The following CNBD1 variants were observed in gnomAD, a reference collection of about 807,000 sequenced individuals.
CNBD1 encodes cyclic nucleotide-binding domain-containing protein 1.
Under a neutral mutation model 54.4 loss-of-function variants are expected in CNBD1, and 71 were observed. That is an observed-to-expected ratio of 1.30 (90% CI 1.08 to 1.59). CNBD1 has a LOEUF of 1.59. Ranked by LOEUF, CNBD1 falls within the 40% of genes most tolerant of loss-of-function variation. The pLI, the probability that CNBD1 is intolerant of heterozygous loss-of-function variation, is 0.00. For synonymous variants in CNBD1, 182 were observed against 170.7 expected (o/e 1.07, Z -0.51); for missense variants, 659 against 518.0 (o/e 1.27, Z -2.64).
chr8:87,422,928 T>C (rs1457343535), intron 2 of CNBD1, among the ~76,000 whole-genome samples: 2 of 152,008 alleles, frequency 1.3e-5, no homozygotes, highest in East Asian at 1.9e-4. Context: ...CTTCCGTTTG[T>C]TTGTATCCTC....
At chr8:87,122,715 C>G (rs1274783176) in intron 4 of CNBD1, among the ~76,000 whole-genome samples, 1 of 151,738 alleles carries the variant, frequency 6.6e-6, no homozygotes, top group African/African-American at 2.4e-5. Flanking sequence ...GTCATTAATC[C>G]ATTTTGAGTT....
At chr8:87,405,658 A>G (rs894456600) in intron 2 of CNBD1, among the ~76,000 whole-genome samples, 2 of 152,136 alleles carry the variant, frequency 1.3e-5, no homozygotes, top group African/African-American at 4.8e-5. Context: ...GGAATAAAGT[A>G]TGTCATAGGC....
chr8:87,173,976 T>C (rs1010079072), intron 4 of CNBD1, among the ~76,000 whole-genome samples: 3 of 151,764 alleles, frequency 2.0e-5, no homozygotes, highest in African/African-American at 4.8e-5. Context: ...TTATTATTAT[T>C]TTTGATGGAG....
chr8:86,917,137 G>T (rs978539780), intron 3 of CNBD1, among the ~76,000 whole-genome samples: 1 of 143,238 alleles, frequency 7.0e-6, no homozygotes, highest in Non-Finnish European at 1.5e-5. Context: ...GCGAGACTCT[G>T]TCTCAAAAAA....
intron 4 of CNBD1, among the ~76,000 whole-genome samples, chr8:86,959,386 T>A (rs988506323): frequency 6.6e-6 from 1 of 152,136 alleles, no homozygotes; most frequent in African/African-American, 2.4e-5. Flanking sequence ...CTGAATTTGA[T>A]TGTTGGCCTG....
intron 4 of CNBD1, among the ~76,000 whole-genome samples, chr8:87,021,355 G>A (rs1057261356): frequency 2.0e-5 from 3 of 152,026 alleles, no homozygotes; most frequent in Non-Finnish European, 2.9e-5. Context: ...TACTTTTGTA[G>A]CAATTCTATT....
At chr8:87,298,046 G>A (rs1215316522) in intron 8 of CNBD1, among the ~76,000 whole-genome samples, 2 of 151,478 alleles carry the variant, frequency 1.3e-5, no homozygotes, top group African/African-American at 4.9e-5. Flanking sequence ...ATTTGTATAA[G>A]CTGAGCTGTA....
At position 87,254,109 on chromosome 8, in the gene CNBD1, G is replaced by A. The variant is rs542626504; in HGVS notation, c.771+16997G>A. Reference sequence around the variant, plus strand: ...AGAAATAGGTCAGAAATGGAGAACAGTTTAGGAATATTCCAAATAGTAGTG... The same window carrying A: ...AGAAATAGGTCAGAAATGGAGAACAATTTAGGAATATTCCAAATAGTAGTG... On this transcript the variant is annotated intron_variant, in intron 6 of 10. Coordinates refer to ENST00000518476, the MANE Select transcript of CNBD1 (RefSeq NM_173538.3). Among the ~76,000 whole-genome samples, 10 of 152,324 alleles carry A rather than the reference G, an allele frequency of 6.6e-5. No individual in the cohort carries two copies. In the East Asian group the frequency reaches 1.7e-3, roughly 26 times the overall value.
chr8:86,903,504 A>G (rs921855261), intron 2 of CNBD1, among the ~76,000 whole-genome samples: 1 of 152,092 alleles, frequency 6.6e-6, no homozygotes, highest in Admixed American at 6.6e-5. Flanking sequence ...TAAGATGCAT[A>G]TACATTACTT....
At chr8:87,107,338 T>C (rs1489538953) in intron 4 of CNBD1, among the ~76,000 whole-genome samples, 1 of 152,172 alleles carries the variant, frequency 6.6e-6, no homozygotes, top group Non-Finnish European at 1.5e-5. Context: ...TCTAGTAACG[T>C]TAACCTTTGT....
intron 4 of CNBD1, among the ~76,000 whole-genome samples, chr8:86,945,176 T>G (rs150060868): frequency 6.6e-6 from 1 of 152,326 alleles, no homozygotes; most frequent in East Asian, 1.9e-4. Context: ...TTGTATGTAT[T>G]TGTGGGAGCT....
intron 4 of CNBD1, among the ~76,000 whole-genome samples, chr8:87,069,607 C>A (rs1407462307): frequency 2.6e-5 from 4 of 151,954 alleles, no homozygotes; most frequent in African/African-American, 9.7e-5. Context: ...AATTGCCTAA[C>A]AAGGAATTTC....
intron 6 of CNBD1, among the ~76,000 whole-genome samples, chr8:87,272,787 T>G (rs1244821054): frequency 6.6e-6 from 1 of 151,988 alleles, no homozygotes; most frequent in Non-Finnish European, 1.5e-5. Context: ...TGCATTTAAA[T>G]GTACACTCCA....
chr8:87,268,614 A>G (rs143382447), intron 6 of CNBD1, among the ~76,000 whole-genome samples: 9 of 152,222 alleles, frequency 5.9e-5, no homozygotes, highest in East Asian at 1.9e-4. Flanking sequence ...TGACTTTTTA[A>G]TAATAGCCAT....
chr8:86,972,316 T>G (rs1808243122), intron 4 of CNBD1, among the ~76,000 whole-genome samples: 1 of 152,204 alleles, frequency 6.6e-6, no homozygotes, highest in South Asian at 2.1e-4. Flanking sequence ...TTTAATGTAT[T>G]TTGTTTTAAT....
rs1003093589 is a variant in CNBD1 at position 87,091,792 on chromosome 8, C to T, written c.432-114201C>T. On this transcript the variant is annotated intron_variant, in intron 4 of 10. Transcript: ENST00000518476. ...GTGTAAAGGAGGTAGAGCAATTTTA[C>T]ATAAATTTTTTTTTGCATTAAAGGT... 6.0e-5 allele frequency among the ~76,000 whole-genome samples: 8 copies of T among 133,704 alleles called. 1 individual carries two copies. The East Asian group carries it at 1.6e-3, about 27-fold the overall frequency. 87.7% of individuals were successfully genotyped at this position (133,704 alleles called of 152,430 possible). A position where few individuals can be genotyped will look rare whatever the true frequency, so the allele number is the denominator to read the frequency against.
chr8:87,138,476 G>A (rs1812304902), intron 4 of CNBD1, among the ~76,000 whole-genome samples: 1 of 152,178 alleles, frequency 6.6e-6, no homozygotes, highest in South Asian at 2.1e-4. Context: ...CTGTTTGCAA[G>A]CATCACTTCT....
intron 4 of CNBD1, among the ~76,000 whole-genome samples, chr8:87,007,040 T>C (rs1465456682): frequency 2.0e-5 from 3 of 152,010 alleles, no homozygotes; most frequent in Non-Finnish European, 4.4e-5. Flanking sequence ...CTACTAAAAA[T>C]ACAAAAATTA....
intron 4 of CNBD1, among the ~76,000 whole-genome samples, chr8:87,097,221 C>CT (rs1199127590): frequency 2.0e-5 from 3 of 152,052 alleles, no homozygotes; most frequent in African/African-American, 7.2e-5. Context: ...TCACATGGTC[C>CT]TTTTTAAAAT....
Sources: gnomAD v4.1 joint callset for allele counts (sites outside exome capture counted in the v4.1 genomes callset) on GRCh38, gnomAD v4.1.1 for gene constraint, MANE v1.5 for transcripts, NCBI Gene and HGNC (gene_info 2026-07-23, HGNC 2026-07-21) for gene names.